Variants in GNAI3 observed in about 807,000 individuals in gnomAD.
GNAI3 encodes the protein guanine nucleotide-binding protein G(i) subunit alpha-3.
GNAI3 carries 12 observed loss-of-function variants against 41.8 expected under a neutral mutation model. The observed-to-expected ratio is 0.29, with a 90% CI of 0.18 to 0.47. GNAI3 has a LOEUF of 0.47. GNAI3 is among the 20% of genes least tolerant of loss of function. The pLI is 1.00. For synonymous variants in GNAI3, 132 were observed against 146.5 expected (o/e 0.90, Z 0.71); for missense variants, 360 against 429.6 (o/e 0.84, Z 1.43).
chr1:109,565,915 C>T (rs1648442627), intron 1 of GNAI3, among the ~76,000 whole-genome samples: 1 of 152,158 alleles, frequency 6.6e-6, no homozygotes, highest in Non-Finnish European at 1.5e-5. Context: ...GAAAGGGTTT[C>T]ATTACTATTT....
chr1:109,587,787 A>G (rs968859121), intron 7 of GNAI3, among the ~76,000 whole-genome samples: 2 of 152,208 alleles, frequency 1.3e-5, no homozygotes, highest in Non-Finnish European at 2.9e-5. Context: ...AAGATTATGC[A>G]ATAAATAATA....
chr1:109,579,436 A>AACATTTCCTTAAGTGG, intron 4 of GNAI3, 75 bp downstream of exon 4: 4 of 1,029,992 alleles, frequency 3.9e-6, no homozygotes, highest in Non-Finnish European at 5.8e-6. Context: ...TCCCCACTTA[A>AACATTTCCTTAAGTGG]GGAAATGTTT....
In GNAI3 at chr1:109,553,802, A is replaced by C. The variant is rs577232566; in HGVS notation, c.118+4964A>C. ...CAATTTCTGAGATTTTGGTGCACCC[A>C]TCACCTGAGCAGTCTACACTGTACC... On this transcript the variant is annotated intron_variant, in intron 1 of 8. Coordinates refer to ENST00000369851, the MANE Select transcript of GNAI3 (RefSeq NM_006496.4). Among the ~76,000 whole-genome samples, 37 of 152,312 alleles carry C rather than the reference A, an allele frequency of 2.4e-4. 1 individual carries two copies. In the South Asian group the frequency reaches 7.7e-3, roughly 32 times the overall value.
At chr1:109,582,304 A>G (rs1273316527) in intron 4 of GNAI3, 133 bp from the exon 5 acceptor site, 9 of 597,268 alleles carry the variant, frequency 1.5e-5, no homozygotes, top group Non-Finnish European at 2.4e-5. Context: ...CATTTCTATG[A>G]TACTGAAGAT....
Position 109,599,057 on chromosome 1 carries a change from G to A in GNAI3, c.*6735G>A. 2.1e-6 allele frequency: 1 copy of A among 476,940 alleles called. No homozygotes were observed. Among genetic ancestry groups the A allele is most frequent in the South Asian group, 1.5e-5 (1 of 66,350 alleles). The allele number at this position is 476,940 out of a possible 1,614,324, so 29.5% of individuals were successfully genotyped here. The stretch of plus-strand genomic sequence containing the variant: ...CCGTGGGGATGGGAAGGAATACTCT[G>A]TTTTGGACTATTTGGAGGTACATGT... On this transcript the variant is annotated 3_prime_UTR_variant, in exon 9 of 9. Coordinates refer to ENST00000369851, the MANE Select transcript of GNAI3 (RefSeq NM_006496.4).
chr1:109,586,996 G>A (rs1649048369), intron 7 of GNAI3, 114 bp downstream of exon 7: 1 of 715,612 alleles, frequency 1.4e-6, no homozygotes, highest in South Asian at 1.6e-5. Flanking sequence ...AGAGTATTCA[G>A]TGGTAGTGGC....
chr1:109,587,135 A>G (rs1649050029), intron 7 of GNAI3, among the ~76,000 whole-genome samples: 1 of 152,130 alleles, frequency 6.6e-6, no homozygotes, highest in Non-Finnish European at 1.5e-5. Flanking sequence ...AGAAAAAGTA[A>G]ATTTGGGAGC....
rs957910823 is a variant in GNAI3, at chr1:109,599,025, T to C, written c.*6703T>C. 3.8e-6 allele frequency: 2 copies of C among 525,058 alleles called. No individual in the cohort carries two copies. The highest frequency in any genetic ancestry group is 1.4e-5 in the South Asian group (1 of 71,224). The allele number at this position is 525,058 out of a possible 1,614,324, so 32.5% of individuals were successfully genotyped here. A position where few individuals can be genotyped will look rare whatever the true frequency, so the allele number is the denominator to read the frequency against. ...ATAGAGTGGGTTTTGAATGCTGTTA[T>C]GTCTCACCGTGGGGATGGGAAGGAA... On this transcript the variant is annotated 3_prime_UTR_variant, in exon 9 of 9. Transcript: ENST00000369851.
At chr1:109,555,891 C>T (rs1648126077) in intron 1 of GNAI3, among the ~76,000 whole-genome samples, 1 of 151,424 alleles carries the variant, frequency 6.6e-6, no homozygotes, top group African/African-American at 2.4e-5. Flanking sequence ...TCCTTTTTTC[C>T]TATCCTGTCT....
chr1:109,591,960 A>C (rs1649182727), intron 7 of GNAI3, 83 bp from the exon 8 acceptor site: 1 of 736,318 alleles, frequency 1.4e-6, no homozygotes, highest in African/African-American at 1.7e-5. Flanking sequence ...TTCCCTCTCC[A>C]TAAGTAAATG....
chr1:109,556,005 T>TGTGTTTCA (rs1367902165), intron 1 of GNAI3, among the ~76,000 whole-genome samples: 1 of 151,816 alleles, frequency 6.6e-6, no homozygotes, highest in African/African-American at 2.4e-5. Flanking sequence ...TGTGTTTGTG[T>TGTGTTTCA]GTGTTTCATC....
intron 1 of GNAI3, among the ~76,000 whole-genome samples, chr1:109,570,424 A>T (rs1184017938): frequency 6.6e-6 from 1 of 152,224 alleles, no homozygotes; most frequent in African/African-American, 2.4e-5. Flanking sequence ...GAATGCAGGG[A>T]TGAATAAGCC....
At position 109,579,267 on chromosome 1, in the gene GNAI3, C is replaced by CGCTA; in HGVS notation, c.367_368insGCTA (p.Leu123ArgfsTer7). On this transcript the variant is annotated frameshift_variant, in exon 4 of 9. Transcript: ENST00000369851. LOFTEE classifies it high-confidence loss of function. ...TGAAGAAGGAGTCATGACTCCAGAA[C>CGCTA]TAGCAGGAGTGATTAAACGGTTATG... is the stretch of plus-strand genomic sequence containing the variant. 1.9e-6 allele frequency: 3 copies of CGCTA among 1,611,518 alleles called. No homozygotes were observed. The highest frequency in any genetic ancestry group is 1.7e-6 in the Non-Finnish European group (2 of 1,177,716).
At chr1:109,554,193 C>T (rs540603394) in intron 1 of GNAI3, among the ~76,000 whole-genome samples, 56 of 152,122 alleles carry the variant, frequency 3.7e-4, no homozygotes, top group African/African-American at 1.3e-3. Context: ...TATAAACATG[C>T]GTATGCAAGT....
intron 1 of GNAI3, among the ~76,000 whole-genome samples, chr1:109,562,409 C>A (rs956311966): frequency 6.6e-6 from 1 of 151,934 alleles, no homozygotes; most frequent in African/African-American, 2.4e-5. Context: ...GGAACCAGTC[C>A]CCTGCGGATA....
intron 1 of GNAI3, among the ~76,000 whole-genome samples, chr1:109,567,054 C>CA (rs1475484880): frequency 1.3e-5 from 2 of 152,008 alleles, no homozygotes; most frequent in Admixed American, 6.6e-5. Flanking sequence ...AATAAGTTAG[C>CA]AAAAAAATCA....
At chr1:109,567,605 T>C (rs1648491061) in intron 1 of GNAI3, among the ~76,000 whole-genome samples, 1 of 152,248 alleles carries the variant, frequency 6.6e-6, no homozygotes, top group South Asian at 2.1e-4. Context: ...GAATTCAGAT[T>C]CTATCTAGGA....
chr1:109,548,731 C>T lies in GNAI3; in HGVS notation c.11C>T (p.Thr4Met). MGC[T>M]LSAEDKAAVE... ...TCTCCCGCCGCCGCCATGGGCTGCA[C>T]GTTGAGCGCCGAAGACAAGGCGGCA... is the stretch of plus-strand genomic sequence containing the variant. Residue 4 changes from threonine (T) to methionine (M), a missense_variant, in exon 1 of 9, where the codon ACG (threonine) becomes ATG (methionine). Transcript: ENST00000369851. The T allele has an allele frequency of 6.2e-7, 1 of 1,612,352 alleles. No individual in the cohort carries two copies. The highest frequency in any genetic ancestry group is 8.5e-7 in the Non-Finnish European group (1 of 1,178,726).
intron 1 of GNAI3, among the ~76,000 whole-genome samples, chr1:109,549,714 G>C (rs1647926654): frequency 6.6e-6 from 1 of 152,216 alleles, no homozygotes; most frequent in Non-Finnish European, 1.5e-5. Context: ...CATATTCACT[G>C]TAAAGACTAT....
Sources: allele counts gnomAD v4.1 joint callset (sites outside exome capture counted in the v4.1 genomes callset), GRCh38; gene constraint gnomAD v4.1.1; transcripts MANE v1.5; gene names NCBI Gene and HGNC (gene_info 2026-07-23, HGNC 2026-07-21).